LGSN: variants seen among roughly 807,000 people sequenced by gnomAD.
LGSN encodes the protein lengsin.
In LGSN, 21 loss-of-function variants were observed where a neutral mutation model predicts 19.5. That is an observed-to-expected ratio of 1.07 (90% CI 0.76 to 1.55). The LOEUF (loss-of-function observed/expected upper bound fraction) is 1.55. Among genes scored for constraint, LGSN ranks in the 40% most tolerant of loss-of-function variants. The pLI is 0.00. For synonymous variants in LGSN, 257 were observed against 215.6 expected (o/e 1.19, Z -1.68); for missense variants, 673 against 608.5 (o/e 1.11, Z -1.12).
the LGSN span, among the ~76,000 whole-genome samples, chr6:63,405,846 T>C: frequency 1.3e-5 from 2 of 151,492 alleles, no homozygotes; most frequent in South Asian, 2.1e-4. Context: ...ACCAAGCAAA[T>C]GGAAAACAAA....
the LGSN span, chr6:63,528,019 C>G: frequency 6.6e-6 from 1 of 152,186 alleles, no homozygotes; most frequent in South Asian, 2.1e-4. Context: ...CTTGGAGGCT[C>G]TACATCTACC....
chr6:63,340,564 G>A, the LGSN span, among the ~76,000 whole-genome samples: 2 of 134,268 alleles, frequency 1.5e-5, no homozygotes, highest in Admixed American at 7.3e-5. Flanking sequence ...GCTCTCCCTT[G>A]TATTTTTTTT....
At chr6:63,478,922 T>A in the LGSN span, among the ~76,000 whole-genome samples, 1 of 152,206 alleles carries the variant, frequency 6.6e-6, no homozygotes, top group Non-Finnish European at 1.5e-5. Context: ...ACCTTCATGA[T>A]ACCACAGTGG....
At chr6:63,388,749 G>A in the LGSN span, among the ~76,000 whole-genome samples, 21 of 152,160 alleles carry the variant, frequency 1.4e-4, no homozygotes, top group African/African-American at 3.1e-4. Context: ...TAGAAATAAC[G>A]TAAATAATGG....
intron 2 of LGSN, among the ~76,000 whole-genome samples, chr6:63,289,247 T>A (rs1408069531): frequency 6.6e-6 from 1 of 152,244 alleles, no homozygotes; most frequent in Non-Finnish European, 1.5e-5. Flanking sequence ...GTTGTCATCA[T>A]ATATTTTAGT....
At chr6:63,573,337 G>A in the LGSN span, 1 of 152,376 alleles carries the variant, frequency 6.6e-6, no homozygotes, top group Non-Finnish European at 1.5e-5. Flanking sequence ...GGGTGGTAAC[G>A]ATCTGGTTCC....
At chr6:63,415,752 C>T in the LGSN span, among the ~76,000 whole-genome samples, 1 of 152,198 alleles carries the variant, frequency 6.6e-6, no homozygotes. Flanking sequence ...AAAAGAGCTT[C>T]TCCAATCATT....
chr6:63,281,527 G>A (rs1004926672), intron 3 of LGSN, among the ~76,000 whole-genome samples: 12 of 151,404 alleles, frequency 7.9e-5, no homozygotes, highest in East Asian at 3.9e-4. Flanking sequence ...AAGAAAATCC[G>A]TTACAGCAAA....
the LGSN span, among the ~76,000 whole-genome samples, chr6:63,389,469 T>C: frequency 6.6e-6 from 1 of 152,356 alleles, no homozygotes; most frequent in Admixed American, 6.5e-5. Flanking sequence ...TTCTTCTGCA[T>C]CTACCCTTGA....
the LGSN span, among the ~76,000 whole-genome samples, chr6:63,438,872 A>G: frequency 6.6e-6 from 1 of 152,066 alleles, no homozygotes; most frequent in African/African-American, 2.4e-5. Context: ...CCAAAGGACT[A>G]TAAATCATGC....
At chr6:63,475,679 T>A in the LGSN span, among the ~76,000 whole-genome samples, 1 of 152,148 alleles carries the variant, frequency 6.6e-6, no homozygotes, top group African/African-American at 2.4e-5. Context: ...CAAAAACACG[T>A]TTCTAATATC....
rs200243537 is a variant in LGSN at position 63,281,043 on chromosome 6, A to G, written c.508T>C (p.Cys170Arg). ...TCACCAGTCACAGTGAAGGTATCAC[A>G]TATCACTCTTGCAGTTCTGTCAGCC... ...PWADRTARVI[C>R]DTFTVTGEPL... The change falls in exon 4 of 4, where the codon TGT becomes CGT. Residue 170 changes from cysteine (C) to arginine (R), a missense_variant. By Grantham distance (180) the Cys-to-Arg change is radical. Transcript: ENST00000370657. 1.9e-6 allele frequency: 3 copies of G among 1,613,992 alleles called. No individual in the cohort carries two copies. The Admixed American group carries it at 5.0e-5, about 27-fold the overall frequency.
At chr6:63,429,296 C>T in the LGSN span, among the ~76,000 whole-genome samples, 1 of 152,280 alleles carries the variant, frequency 6.6e-6, no homozygotes, top group East Asian at 1.9e-4. Context: ...AAAATCCTTT[C>T]CTCTCACTAT....
At chr6:63,483,086 A>C in the LGSN span, among the ~76,000 whole-genome samples, 3 of 152,236 alleles carry the variant, frequency 2.0e-5, no homozygotes, top group African/African-American at 7.2e-5. Flanking sequence ...AACAAGCCAG[A>C]TATGCATCTC....
the LGSN span, among the ~76,000 whole-genome samples, chr6:63,361,963 C>T: frequency 6.6e-6 from 1 of 152,172 alleles, no homozygotes; most frequent in Non-Finnish European, 1.5e-5. Flanking sequence ...ACACTTGTAG[C>T]TCCTGAAACA....
the LGSN span, among the ~76,000 whole-genome samples, chr6:63,429,417 T>C: frequency 2.0e-5 from 3 of 152,166 alleles, no homozygotes; most frequent in Admixed American, 6.6e-5. Flanking sequence ...GCCGAAAGTA[T>C]ACAGACTCAA....
At chr6:63,283,918 T>G (rs1767423682) in intron 3 of LGSN, among the ~76,000 whole-genome samples, 2 of 152,126 alleles carry the variant, frequency 1.3e-5, no homozygotes, top group African/African-American at 4.8e-5. Context: ...CAGGCTGGTC[T>G]CAAATTCCTG....
intron 1 of LGSN, among the ~76,000 whole-genome samples, chr6:63,298,253 C>G (rs1443215500): frequency 1.3e-5 from 2 of 152,158 alleles, no homozygotes; most frequent in South Asian, 2.1e-4. Flanking sequence ...GGTAAGTTGT[C>G]TCTCAGATTA....
At chr6:63,438,795 G>A in the LGSN span, among the ~76,000 whole-genome samples, 8 of 152,198 alleles carry the variant, frequency 5.3e-5, no homozygotes, top group Non-Finnish European at 1.0e-4. Flanking sequence ...ATTCAGTGTA[G>A]CAATTCCTCA....
Sources: gnomAD v4.1 joint callset for allele counts (sites outside exome capture counted in the v4.1 genomes callset) on GRCh38, gnomAD v4.1.1 for gene constraint, MANE v1.5 for transcripts, NCBI Gene and HGNC (gene_info 2026-07-23, HGNC 2026-07-21) for gene names.